Variants in ABCD4 observed in about 807,000 individuals in gnomAD.
ABCD4 encodes ATP binding cassette subfamily D member 4.
ABCD4 carries 53 observed loss-of-function variants against 86.3 expected under a neutral mutation model. The observed-to-expected ratio is 0.61, with a 90% CI of 0.49 to 0.77. ABCD4 has a LOEUF of 0.77. ABCD4 is among the 30% of genes least tolerant of loss of function. The pLI is 0.00. For missense variants in ABCD4, 757 were observed against 764.5 expected, an observed-to-expected ratio of 0.99 and a Z score of 0.12; for synonymous variants, 328 against 313.6, an observed-to-expected ratio of 1.05 and a Z score of -0.49.
In ABCD4 at chr14:74,286,817, C is replaced by T; in HGVS notation, c.1637-1G>A. 1 of 1,613,730 alleles carries T rather than the reference C, an allele frequency of 6.2e-7. No individual in the cohort carries two copies. Among genetic ancestry groups the T allele is most frequent in the Non-Finnish European group, 8.5e-7 (1 of 1,179,866 alleles). ...AGGGCACTGGTGGCTTCATCAAGCACTGAGGGGGCAGAGCACAGAGGAAGA... is the reference window on the plus strand; with the variant it reads ...AGGGCACTGGTGGCTTCATCAAGCATTGAGGGGGCAGAGCACAGAGGAAGA... On this transcript the variant is annotated splice_acceptor_variant, in intron 17 of 18. Transcript: ENST00000356924. LOFTEE classifies it high-confidence loss of function.
intron 1 of ABCD4, among the ~76,000 whole-genome samples, chr14:74,301,690 T>A (rs995062034): frequency 2.0e-5 from 3 of 151,622 alleles, no homozygotes; most frequent in Non-Finnish European, 2.9e-5. Context: ...GTGGATCACC[T>A]GAGGTCAGGA....
chr14:74,302,821 C>A (rs1567026054), intron 1 of ABCD4, 54 bp downstream of exon 1: 1 of 1,565,432 alleles, frequency 6.4e-7, no homozygotes, highest in South Asian at 1.2e-5. Flanking sequence ...AAAGCCCATT[C>A]CCTACAGCCC....
intron 6 of ABCD4, 80 bp from the exon 7 acceptor site, chr14:74,295,278 C>T (rs2082561991): frequency 6.4e-7 from 1 of 1,553,968 alleles, no homozygotes. Flanking sequence ...ATCACAAAGA[C>T]CGCCCAAGCG....
At chr14:74,289,586 C>T (rs2080887586) in intron 13 of ABCD4, 67 bp from the exon 14 acceptor site, 5 of 1,588,516 alleles carry the variant, frequency 3.1e-6, no homozygotes, top group Non-Finnish European at 4.3e-6. Flanking sequence ...ACACAGCCCA[C>T]CCTCCCTCCA....
Position 74,301,895 on chromosome 14 carries a change from G to A in ABCD4, c.38+980C>T, listed in dbSNP as rs148445152. Among the ~76,000 whole-genome samples, 1,225 of 151,566 alleles carry A rather than the reference G, an allele frequency of 8.1e-3. 9 individuals are homozygous for A. Among genetic ancestry groups the A allele is most frequent in the African/African-American group, 0.028 (1,162 of 41,046 alleles). On this transcript the variant is annotated intron_variant, in intron 1 of 18. Transcript: ENST00000356924. ...GCCCGAGCAACAAGAGCAAAACTCC[G>A]TCTCAAAAGAAAGAAAGAAAGAAAG...
At chr14:74,291,201 A>G (rs1160441341) in intron 11 of ABCD4, among the ~76,000 whole-genome samples, 1 of 152,210 alleles carries the variant, frequency 6.6e-6, no homozygotes, top group Non-Finnish European at 1.5e-5. Flanking sequence ...CAGAATTGTG[A>G]GGAAATTAAT....
intron 1 of ABCD4, among the ~76,000 whole-genome samples, 180 bp from the exon 2 acceptor site, chr14:74,300,448 C>G (rs2084110104): frequency 6.6e-6 from 1 of 151,770 alleles, no homozygotes; most frequent in South Asian, 2.1e-4. Flanking sequence ...ATTCTTTGGC[C>G]AAGCGTGGTG....
chr14:74,289,615 C>A (rs753449021), intron 13 of ABCD4, 96 bp from the exon 14 acceptor site: 1 of 1,546,022 alleles, frequency 6.5e-7, no homozygotes, highest in Non-Finnish European at 8.7e-7. Flanking sequence ...TGGAACCTCC[C>A]AAGGAGGAGA....
rs1343903389 is a variant in ABCD4, at chr14:74,290,096, G to C, written c.1350C>G (p.Asp450Glu). ...GGAATAGCACCCCATGGGGCCCAAAGTCCGTCAGCATCTGCACTGAGCCTG... is the reference window on the plus strand; with the variant it reads ...GGAATAGCACCCCATGGGGCCCAAACTCCGTCAGCATCTGCACTGAGCCTG... ...STRGSVQMLTDFGPHGVLFLP... is the reference protein window; with the variant it reads ...STRGSVQMLTEFGPHGVLFLP... Residue 450 changes from aspartate (D) to glutamate (E), a missense_variant, in exon 13 of 19, where the codon GAC becomes GAG. Coordinates refer to ENST00000356924, the MANE Select transcript of ABCD4 (RefSeq NM_005050.4). 6.2e-7 allele frequency: 1 copy of C among 1,614,018 alleles called. No individual in the cohort carries two copies. Among genetic ancestry groups the C allele is most frequent in the East Asian group, 2.2e-5 (1 of 44,890 alleles).
intron 11 of ABCD4, among the ~76,000 whole-genome samples, chr14:74,291,977 G>C (rs1301648167): frequency 1.3e-5 from 2 of 152,166 alleles, no homozygotes; most frequent in African/African-American, 4.8e-5. Flanking sequence ...CATGCCCCAA[G>C]GAAAGGGGCA....
intron 17 of ABCD4, among the ~76,000 whole-genome samples, chr14:74,287,551 C>CA (rs67310859): frequency 1.3e-4 from 14 of 107,326 alleles, no homozygotes; most frequent in Non-Finnish European, 2.5e-4. Flanking sequence ...GAGACTGTCT[C>CA]AAAAAAAAAA....
intron 16 of ABCD4, 97 bp from the exon 17 acceptor site, chr14:74,287,983 AG>A (rs2080292470): frequency 8.0e-7 from 1 of 1,247,410 alleles, no homozygotes; most frequent in Non-Finnish European, 1.1e-6. Flanking sequence ...CTCTGCACAG[AG>A]GTGAGCCCCA....
intron 8 of ABCD4, 122 bp downstream of exon 8, chr14:74,293,032 T>A: frequency 7.0e-7 from 1 of 1,430,186 alleles, no homozygotes; most frequent in Non-Finnish European, 9.7e-7. Context: ...CCCCTCCTCA[T>A]CCCCGGTTAA....
At position 74,286,366 on chromosome 14, in the gene ABCD4, C is replaced by T. The variant is rs1427921920; in HGVS notation, c.*95G>A. On this transcript the variant is annotated 3_prime_UTR_variant, in exon 19 of 19. Transcript: ENST00000356924. ...TGGCTCCTGCACGGGATCTATGTGG[C>T]GAACCTGAGCTCGATCTTCGCTGTC... is the stretch of plus-strand genomic sequence containing the variant. 5.8e-6 allele frequency: 8 copies of T among 1,390,468 alleles called. No individual in the cohort carries two copies. The highest frequency in any genetic ancestry group is 2.8e-5 in the African/African-American group (2 of 70,440). The allele number at this position is 1,390,468 out of a possible 1,614,324, so 86.1% of individuals were successfully genotyped here.
At chr14:74,287,446 C>G (rs1021054325) in intron 17 of ABCD4, among the ~76,000 whole-genome samples, 1 of 150,768 alleles carries the variant, frequency 6.6e-6, no homozygotes, top group East Asian at 2.0e-4. Context: ...CCCAGCTACT[C>G]AGGAGGCTGA....
intron 6 of ABCD4, 151 bp from the exon 7 acceptor site, chr14:74,295,349 G>T: frequency 1.2e-6 from 1 of 856,472 alleles, no homozygotes; most frequent in Non-Finnish European, 1.8e-6. Flanking sequence ...GGACTGTTAT[G>T]GGGTAGAAAA....
At chr14:74,288,099 A>C in intron 16 of ABCD4, 108 bp downstream of exon 16, 1 of 1,326,720 alleles carries the variant, frequency 7.5e-7, no homozygotes, top group Non-Finnish European at 1.1e-6. Flanking sequence ...TGACCAGCCA[A>C]ACATCTGGAC....
rs147100216 is a variant in ABCD4, at chr14:74,292,362, C to A, written c.1043G>T (p.Arg348Leu). The A allele has an allele frequency of 1.1e-4, 174 of 1,614,128 alleles. No homozygotes were observed. The African/African-American group carries it at 2.1e-3, about 19-fold the overall frequency. The change falls in exon 11 of 19, where the codon CGG (arginine) becomes CTG (leucine). Residue 348 changes from arginine (R) to leucine (L), a missense_variant. Transcript: ENST00000356924. ...CAGGGACATGTCCAGAAGCGTCTCC[C>A]GAAGCTGCCCAATTCTGAACAAGAA... ...AGYTHRIGQL[R>L]ETLLDMSLKS...
chr14:74,287,471 T>C (rs2080082517), intron 17 of ABCD4, among the ~76,000 whole-genome samples: 1 of 150,182 alleles, frequency 6.7e-6, no homozygotes, highest in Non-Finnish European at 1.5e-5. Flanking sequence ...GGAGGATCAC[T>C]TAAGCCTGGG....
Sources: allele counts gnomAD v4.1 joint callset (sites outside exome capture counted in the v4.1 genomes callset), GRCh38; gene constraint gnomAD v4.1.1; transcripts MANE v1.5; gene names NCBI Gene and HGNC (gene_info 2026-07-23, HGNC 2026-07-21).